The following USH2A variants were observed in gnomAD, a reference collection of about 807,000 sequenced individuals.
USH2A encodes the protein usherin, also known as Usher syndrome 2A (autosomal recessive, mild).
USH2A carries 443 observed loss-of-function variants against 538.9 expected under a neutral mutation model. That is an observed-to-expected ratio of 0.82 (90% CI 0.76 to 0.89). The LOEUF (loss-of-function observed/expected upper bound fraction) is 0.89, where lower values mean the gene tolerates loss of function less well. USH2A is among the 40% of genes least tolerant of loss of function. The pLI, the probability that USH2A is intolerant of heterozygous loss-of-function variation, is 0.00. For missense variants in USH2A, 6,633 were observed against 6,324.8 expected, an observed-to-expected ratio of 1.05 and a Z score of -1.65; for synonymous variants, 2,413 against 2,273.5, an observed-to-expected ratio of 1.06 and a Z score of -1.75.
intron 48 of USH2A, among the ~76,000 whole-genome samples, chr1:215,814,325 G>T (rs984156380): frequency 1.4e-5 from 2 of 146,598 alleles, no homozygotes; most frequent in Admixed American, 6.8e-5. Context: ...AATAAAAATA[G>T]ATATATTTAA....
At chr1:216,300,741 GTTT>G (rs531354825) in intron 9 of USH2A, among the ~76,000 whole-genome samples, 2 of 116,564 alleles carry the variant, frequency 1.7e-5, no homozygotes, top group Admixed American at 8.9e-5. Context: ...TAGACTCAAT[GTTT>G]TTTTTTTTTT....
chr1:215,720,660 C>T (rs532325219), intron 61 of USH2A, among the ~76,000 whole-genome samples: 103 of 152,232 alleles, frequency 6.8e-4, no homozygotes, highest in Non-Finnish European at 1.3e-3. Context: ...GTTTTGTCAA[C>T]GTGATAGGAC....
intron 27 of USH2A, among the ~76,000 whole-genome samples, chr1:216,076,293 G>A (rs751905179): frequency 1.3e-5 from 2 of 152,120 alleles, no homozygotes; most frequent in Admixed American, 1.3e-4. Context: ...TGATACTACA[G>A]TAATAAAAAT....
chr1:215,907,849 T>C (rs1451405629), intron 38 of USH2A, among the ~76,000 whole-genome samples: 2 of 151,892 alleles, frequency 1.3e-5, no homozygotes, highest in Non-Finnish European at 1.5e-5. Flanking sequence ...GAATCAATGG[T>C]TGGAAAGATG....
intron 11 of USH2A, among the ~76,000 whole-genome samples, chr1:216,260,197 A>G (rs1225846388): frequency 6.6e-6 from 1 of 152,194 alleles, no homozygotes; most frequent in Non-Finnish European, 1.5e-5. Context: ...GAAGAAATAC[A>G]TTTTACAAAA....
chr1:216,297,666 T>C (rs1238790643), intron 9 of USH2A, among the ~76,000 whole-genome samples: 1 of 152,106 alleles, frequency 6.6e-6, no homozygotes, highest in Admixed American at 6.5e-5. Context: ...TAAAAGGTGA[T>C]TCTGTGATTT....
intron 46 of USH2A, among the ~76,000 whole-genome samples, chr1:215,839,337 T>C (rs1181188709): frequency 6.6e-6 from 1 of 152,216 alleles, no homozygotes; most frequent in Admixed American, 6.5e-5. Context: ...ATTATGTATC[T>C]AATATGTGCC....
At chr1:216,391,134 T>C (rs2039099719) in intron 3 of USH2A, among the ~76,000 whole-genome samples, 1 of 152,216 alleles carries the variant, frequency 6.6e-6, no homozygotes. Context: ...ATCTGTCAAA[T>C]GTAATCTGTG....
At chr1:216,143,681 G>A (rs956203302) in intron 21 of USH2A, among the ~76,000 whole-genome samples, 9 of 152,020 alleles carry the variant, frequency 5.9e-5, no homozygotes, top group African/African-American at 2.2e-4. Flanking sequence ...CATTTAACAC[G>A]AAAGTTTCTG....
At chr1:215,800,099 T>G (rs1032849559) in intron 49 of USH2A, among the ~76,000 whole-genome samples, 1 of 152,176 alleles carries the variant, frequency 6.6e-6, no homozygotes, top group Non-Finnish European at 1.5e-5. Flanking sequence ...TTTGTTTGTT[T>G]GGTATAAAGA....
chr1:216,173,664 T>C (rs2034315287), intron 21 of USH2A, among the ~76,000 whole-genome samples: 1 of 152,128 alleles, frequency 6.6e-6, no homozygotes, highest in African/African-American at 2.4e-5. Context: ...GCAAGGGAGA[T>C]AGCGAGGATG....
chr1:216,350,924 CCTGCAGCAGGCCA>C (rs1481040881), intron 4 of USH2A, among the ~76,000 whole-genome samples: 1 of 151,926 alleles, frequency 6.6e-6, no homozygotes, highest in African/African-American at 2.4e-5. Flanking sequence ...GGGTTATGCC[CCTGCAGCAGGCCA>C]CTGCCTGGAC....
intron 50 of USH2A, among the ~76,000 whole-genome samples, chr1:215,791,531 A>G (rs1286925023): frequency 1.3e-5 from 2 of 152,212 alleles, no homozygotes; most frequent in Non-Finnish European, 2.9e-5. Context: ...TCATCTTTTT[A>G]CTTACAAAAG....
In USH2A at chr1:215,674,930, G is replaced by A. The variant is rs2102665998; in HGVS notation, c.12981C>T (p.Ser4327=). The A allele has an allele frequency of 2.5e-6, 4 of 1,614,130 alleles. No individual in the cohort carries two copies. The highest frequency in any genetic ancestry group is 3.4e-6 in the Non-Finnish European group (4 of 1,180,020). The stretch of plus-strand genomic sequence containing the variant: ...AGGCTTGGAGTGCATAGCTATAGGT[G>A]GAAAAAGGAAGAAGCTCTTCATCAG... The part of the protein sequence containing the change: ...NYTDEELLPF[S]TYSYALQACT... The change falls in exon 63 of 72, where the codon TCC becomes TCT. Residue 4327 remains serine (S), a synonymous_variant. Transcript: ENST00000307340.
intron 21 of USH2A, among the ~76,000 whole-genome samples, chr1:216,108,309 G>T (rs1429561232): frequency 6.6e-6 from 1 of 151,748 alleles, no homozygotes; most frequent in African/African-American, 2.4e-5. Flanking sequence ...AATTATTTTT[G>T]ATGAAATGTT....
At chr1:216,257,866 T>G (rs1426896641) in intron 11 of USH2A, among the ~76,000 whole-genome samples, 1 of 152,050 alleles carries the variant, frequency 6.6e-6, no homozygotes, top group Non-Finnish European at 1.5e-5. Flanking sequence ...TGTATTTTCA[T>G]TCCATACAGT....
At chr1:215,974,846 T>C (rs1170202577) in intron 35 of USH2A, among the ~76,000 whole-genome samples, 1 of 152,180 alleles carries the variant, frequency 6.6e-6, no homozygotes, top group Admixed American at 6.6e-5. Flanking sequence ...TTCCTTTGGG[T>C]ACATACCCAG....
At chr1:216,186,777 C>T (rs1048886266) in intron 20 of USH2A, among the ~76,000 whole-genome samples, 6 of 151,814 alleles carry the variant, frequency 4.0e-5, no homozygotes, top group African/African-American at 1.5e-4. Flanking sequence ...GTTCATCTTT[C>T]CCCTTTTATT....
chr1:216,105,606 G>T (rs1301196228), intron 21 of USH2A, among the ~76,000 whole-genome samples: 2 of 151,696 alleles, frequency 1.3e-5, no homozygotes, highest in Non-Finnish European at 1.5e-5. Flanking sequence ...GGATATTCTA[G>T]GTCTTTCAAC....
Sources: gnomAD v4.1 joint callset for allele counts (sites outside exome capture counted in the v4.1 genomes callset) on GRCh38, gnomAD v4.1.1 for gene constraint, MANE v1.5 for transcripts, NCBI Gene and HGNC (gene_info 2026-07-23, HGNC 2026-07-21) for gene names.